The following HADHA variants were observed in gnomAD, a reference collection of about 807,000 sequenced individuals.
The protein encoded by HADHA is trifunctional enzyme subunit alpha, mitochondrial.
HADHA carries 59 observed loss-of-function variants against 91.3 expected under a neutral mutation model. The ratio of observed to expected loss-of-function variants is 0.65; its 90% confidence interval spans 0.52 to 0.80. The LOEUF (loss-of-function observed/expected upper bound fraction) is 0.80, where lower values mean the gene tolerates loss of function less well. HADHA is among the 30% of genes least tolerant of loss of function. The pLI is 0.00. For synonymous variants in HADHA, 320 were observed against 338.9 expected, an observed-to-expected ratio of 0.94 and a Z score of 0.61; for missense variants, 800 against 927.6, an observed-to-expected ratio of 0.86 and a Z score of 1.79.
At chr2:26,199,827 G>C (rs766086451) in intron 13 of HADHA, among the ~76,000 whole-genome samples, 4 of 152,158 alleles carry the variant, frequency 2.6e-5, no homozygotes, top group Non-Finnish European at 5.9e-5. Context: ...GTGGTGAGAC[G>C]ACTAAGTGAG....
At chr2:26,237,619 C>A (rs1193267781) in intron 3 of HADHA, among the ~76,000 whole-genome samples, 1 of 152,000 alleles carries the variant, frequency 6.6e-6, no homozygotes, top group Non-Finnish European at 1.5e-5. Context: ...CAGAATGAGA[C>A]CCTATCTTCA....
chr2:26,209,121 C>T (rs1234838146), intron 11 of HADHA, among the ~76,000 whole-genome samples: 1 of 152,134 alleles, frequency 6.6e-6, no homozygotes, highest in Non-Finnish European at 1.5e-5. Context: ...TCCCTGGCCT[C>T]CACCCACAGA....
chr2:26,215,043 T>G lies in HADHA; in HGVS notation c.799+10A>C, dbSNP rs2147769884. Reference sequence around the variant, plus strand: ...AAGCTTTGCCTTTGTTCTTTAACAATGATACTCACTTTCCACCAATCCCTT... The same window carrying G: ...AAGCTTTGCCTTTGTTCTTTAACAAGGATACTCACTTTCCACCAATCCCTT... On this transcript the variant is annotated intron_variant, in intron 8 of 19. Transcript: ENST00000380649. The G allele has an allele frequency of 6.2e-7, 1 of 1,606,400 alleles. No homozygotes were observed. The highest frequency in any genetic ancestry group is 1.1e-5 in the South Asian group (1 of 90,916).
chr2:26,240,642 A>G (rs1670868037), intron 1 of HADHA, among the ~76,000 whole-genome samples: 1 of 152,138 alleles, frequency 6.6e-6, no homozygotes, highest in African/African-American at 2.4e-5. Context: ...ATGGGTTGCA[A>G]TATTTCAAAA....
intron 14 of HADHA, 62 bp downstream of exon 14, chr2:26,197,629 G>A: frequency 1.2e-6 from 1 of 830,692 alleles, no homozygotes; most frequent in Non-Finnish European, 2.1e-6. Context: ...CAAGCTGTAA[G>A]CCTTTATCAG....
intron 10 of HADHA, chr2:26,211,799 C>G (rs1670106873): frequency 6.6e-6 from 1 of 152,254 alleles, no homozygotes; most frequent in South Asian, 2.1e-4. Flanking sequence ...AAAGCTGGTA[C>G]ATACATCTCT....
At chr2:26,218,276 G>A (rs1359926685) in intron 7 of HADHA, among the ~76,000 whole-genome samples, 2 of 145,394 alleles carry the variant, frequency 1.4e-5, no homozygotes, top group Non-Finnish European at 3.0e-5. Flanking sequence ...CTCCAGCCTG[G>A]GCAAAAGGGT....
intron 1 of HADHA, chr2:26,243,320 A>G (rs570989014): frequency 9.2e-5 from 14 of 152,288 alleles, no homozygotes; most frequent in African/African-American, 1.9e-4. Flanking sequence ...AAAATAGGGG[A>G]AAAAAACCAC....
chr2:26,193,704 T>G lies in HADHA; in HGVS notation c.1758A>C (p.Thr586=), dbSNP rs974621601. The G allele has an allele frequency of 6.2e-7, 1 of 1,613,960 alleles. No individual in the cohort carries two copies. The highest frequency in any genetic ancestry group is 1.3e-5 in the African/African-American group (1 of 74,902). ...TSFGFPVGAA[T]LVDEVGVDVA... ...CATCCACACCAACTTCATCCACCAG[T>G]GTGGCGGCACCCACAGGAAAGCCAA... Residue 586 remains threonine (T), a synonymous_variant, in exon 17 of 20, where the codon ACA becomes ACC. Coordinates refer to ENST00000380649, the MANE Select transcript of HADHA (RefSeq NM_000182.5).
chr2:26,233,135 C>T (rs765493022), intron 5 of HADHA, among the ~76,000 whole-genome samples: 2 of 152,172 alleles, frequency 1.3e-5, no homozygotes, highest in African/African-American at 4.8e-5. Flanking sequence ...GGAGGCGGAA[C>T]TCAGGTGGTA....
intron 17 of HADHA, 142 bp from the exon 18 acceptor site, chr2:26,192,566 A>G (rs1048886872): frequency 5.9e-6 from 4 of 677,848 alleles, no homozygotes; most frequent in African/African-American, 3.6e-5. Flanking sequence ...GCGGAGGATC[A>G]TTTGAGGTCA....
intron 9 of HADHA, among the ~76,000 whole-genome samples, chr2:26,213,388 C>CT (rs1424576571): frequency 1.3e-5 from 2 of 152,238 alleles, no homozygotes; most frequent in Non-Finnish European, 2.9e-5. Context: ...TCTCTAGAAT[C>CT]TTTATCGGAC....
At chr2:26,194,436 C>T in intron 16 of HADHA, 134 bp downstream of exon 16, 1 of 725,512 alleles carries the variant, frequency 1.4e-6, no homozygotes, top group Middle Eastern at 2.3e-4. Flanking sequence ...AGAGAGAGGG[C>T]ACCAGGGACC....
In HADHA at chr2:26,203,937, C is replaced by T. The variant is rs936252310; in HGVS notation, c.1220+125G>A. 1.6e-5 allele frequency: 15 copies of T among 953,068 alleles called. No homozygotes were observed. In the African/African-American group the frequency reaches 2.4e-4, roughly 15 times the overall value. The allele number at this position is 953,068 out of a possible 1,614,324, so 59.0% of individuals were successfully genotyped here. A position where few individuals can be genotyped will look rare whatever the true frequency, so the allele number is the denominator to read the frequency against. The stretch of plus-strand genomic sequence containing the variant: ...CGGAGTATCTAGAACTCATTATGTT[C>T]AGGAAAAAGGAATCCGTGATGGCAA... On this transcript the variant is annotated intron_variant, in intron 12 of 19. Coordinates refer to ENST00000380649, the MANE Select transcript of HADHA (RefSeq NM_000182.5).
intron 7 of HADHA, among the ~76,000 whole-genome samples, chr2:26,223,551 G>C (rs1331439608): frequency 1.3e-5 from 2 of 152,196 alleles, no homozygotes; most frequent in Non-Finnish European, 2.9e-5. Flanking sequence ...TACACAGCCA[G>C]TGCACTGCGG....
intron 15 of HADHA, 135 bp from the exon 16 acceptor site, chr2:26,194,773 G>A: frequency 1.4e-6 from 1 of 736,286 alleles, no homozygotes; most frequent in Non-Finnish European, 2.5e-6. Context: ...ATCTCAATCA[G>A]AATCCTTAAA....
At chr2:26,219,544 T>A (rs190784520) in intron 7 of HADHA, among the ~76,000 whole-genome samples, 2 of 152,308 alleles carry the variant, frequency 1.3e-5, no homozygotes, top group East Asian at 3.9e-4. Flanking sequence ...GAAATCAATT[T>A]GTGAGGTGAG....
rs546433399 is a variant in HADHA at position 26,193,555 on chromosome 2, A to AT, written c.1885+21dup. ...AACTTTGTAACTAATGGTGCTAGTT[A>AT]TGTTTCCTTGAGGCTACTCACCTAG... is the stretch of plus-strand genomic sequence containing the variant. On this transcript the variant is annotated intron_variant, in intron 17 of 19. Coordinates refer to ENST00000380649, the MANE Select transcript of HADHA (RefSeq NM_000182.5). 3,847 of 1,582,458 alleles carry AT rather than the reference A, an allele frequency of 2.4e-3. 10 individuals are homozygous for AT. The highest frequency in any genetic ancestry group is 8.0e-3 in the Middle Eastern group (48 of 6,012).
At chr2:26,220,898 T>C (rs534424848) in intron 7 of HADHA, among the ~76,000 whole-genome samples, 3 of 152,326 alleles carry the variant, frequency 2.0e-5, no homozygotes, top group Non-Finnish European at 4.4e-5. Context: ...AAGTATTAAC[T>C]ACTCTAGACA....
Sources: allele counts gnomAD v4.1 joint callset (sites outside exome capture counted in the v4.1 genomes callset), GRCh38; gene constraint gnomAD v4.1.1; transcripts MANE v1.5; gene names NCBI Gene and HGNC (gene_info 2026-07-23, HGNC 2026-07-21).